The following CDK6 variants were observed in gnomAD, a reference collection of about 807,000 sequenced individuals.
CDK6 encodes cyclin-dependent kinase 6.
In CDK6, 6 loss-of-function variants were observed where a neutral mutation model predicts 37.1. The ratio of observed to expected loss-of-function variants is 0.16; its 90% CI spans 0.09 to 0.32. CDK6 has a LOEUF of 0.32. CDK6 is among the 10% of genes least tolerant of loss of function. The pLI is 1.00. For missense variants in CDK6, 224 were observed against 418.9 expected (o/e 0.53, Z 4.06); for synonymous variants, 160 against 161.3 (o/e 0.99, Z 0.06).
intron 2 of CDK6, among the ~76,000 whole-genome samples, chr7:92,827,124 CAGTG>C (rs1562977467): frequency 6.6e-6 from 1 of 152,124 alleles, no homozygotes; most frequent in Non-Finnish European, 1.5e-5. Flanking sequence ...TGTTCACTAA[CAGTG>C]AGATAATTTT....
At chr7:92,704,455 C>T (rs1797924789) in intron 4 of CDK6, among the ~76,000 whole-genome samples, 1 of 152,168 alleles carries the variant, frequency 6.6e-6, no homozygotes, top group African/African-American at 2.4e-5. Flanking sequence ...TGCTTCTTTA[C>T]TTCTCTTTAC....
intron 2 of CDK6, among the ~76,000 whole-genome samples, chr7:92,823,682 A>T (rs1369399230): frequency 6.6e-6 from 1 of 152,034 alleles, no homozygotes; most frequent in Non-Finnish European, 1.5e-5. Flanking sequence ...AATGTATACT[A>T]TATCAGCTAA....
At chr7:92,646,966 T>A (rs1022389307) in intron 5 of CDK6, among the ~76,000 whole-genome samples, 2 of 152,200 alleles carry the variant, frequency 1.3e-5, no homozygotes, top group East Asian at 1.9e-4. Flanking sequence ...TAAACTCTAC[T>A]GAAGAAAAAT....
At position 92,609,932 on chromosome 7, in the gene CDK6, A is replaced by T. The variant is rs565550853; in HGVS notation, c.*5208T>A. Reference sequence around the variant, plus strand: ...TTGTTCAGAACCTAGGTAACAAGTAAAATATTGAAGTTACAGAACATTATA... The same window carrying T: ...TTGTTCAGAACCTAGGTAACAAGTATAATATTGAAGTTACAGAACATTATA... On this transcript the variant is annotated 3_prime_UTR_variant, in exon 8 of 8. Coordinates refer to ENST00000424848, the MANE Select transcript of CDK6 (RefSeq NM_001145306.2). 8.7e-6 allele frequency: 2 copies of T among 230,404 alleles called. No individual in the cohort carries two copies. Among genetic ancestry groups the T allele is most frequent in the Non-Finnish European group, 1.7e-5 (2 of 116,432 alleles). 14.3% of individuals were successfully genotyped at this position (230,404 alleles called of 1,614,324 possible).
intron 2 of CDK6, among the ~76,000 whole-genome samples, chr7:92,800,426 T>C (rs1221188129): frequency 6.6e-6 from 1 of 152,246 alleles, no homozygotes; most frequent in Admixed American, 6.5e-5. Context: ...TTCTTGCTCC[T>C]GCAAATTAAA....
intron 3 of CDK6, among the ~76,000 whole-genome samples, chr7:92,726,935 T>C (rs553108362): frequency 4.6e-5 from 7 of 152,252 alleles, no homozygotes; most frequent in South Asian, 2.1e-4. Flanking sequence ...CTTAGCACCA[T>C]AGTTAATATT....
At chr7:92,642,173 T>C (rs562357494) in intron 5 of CDK6, among the ~76,000 whole-genome samples, 68 of 152,252 alleles carry the variant, frequency 4.5e-4, no homozygotes, top group African/African-American at 1.6e-3. Flanking sequence ...CAACTCCTCC[T>C]TGTGGAGGAG....
intron 3 of CDK6, among the ~76,000 whole-genome samples, chr7:92,762,570 C>CTTTTT (rs34827459): frequency 2.1e-5 from 3 of 141,580 alleles, no homozygotes; most frequent in Non-Finnish European, 4.7e-5. Context: ...CATAGAACAC[C>CTTTTT]TTTTTTTTTT....
intron 4 of CDK6, among the ~76,000 whole-genome samples, chr7:92,722,910 C>T (rs1298929707): frequency 6.6e-6 from 1 of 152,164 alleles, no homozygotes; most frequent in Non-Finnish European, 1.5e-5. Context: ...ATAGGCTGGG[C>T]ACAGTGGCTT....
intron 5 of CDK6, among the ~76,000 whole-genome samples, chr7:92,659,522 C>T (rs181127105): frequency 6.6e-6 from 1 of 152,090 alleles, no homozygotes; most frequent in East Asian, 1.9e-4. Flanking sequence ...TTCTCCCAGA[C>T]AGAGCTGGTT....
In CDK6 at chr7:92,672,288, C is replaced by CACAACACCCAG. The variant is rs1194371388; in HGVS notation, c.538-754_538-753insCTGGGTGTTGT. Among the ~76,000 whole-genome samples, 17 of 144,814 alleles carry CACAACACCCAG rather than the reference C, an allele frequency of 1.2e-4. No individual in the cohort carries two copies. The East Asian group carries it at 2.1e-3, about 17-fold the overall frequency. ...GGCTGCTGGATGGTGTCCCTGAAGTCTACACAACACCCAGGACATGTCAAA... is the reference window on the plus strand; with the variant it reads ...GGCTGCTGGATGGTGTCCCTGAAGTCACAACACCCAGTACACAACACCCAGGACATGTCAAA... On this transcript the variant is annotated intron_variant, in intron 4 of 7. Coordinates refer to ENST00000424848, the MANE Select transcript of CDK6 (RefSeq NM_001145306.2).
At chr7:92,672,158 T>TACACAC (rs1554401686) in intron 4 of CDK6, among the ~76,000 whole-genome samples, 2 of 102,734 alleles carry the variant, frequency 1.9e-5, no homozygotes, top group Non-Finnish European at 3.7e-5. Context: ...TATATATATA[T>TACACAC]ATACACATAC....
intron 4 of CDK6, among the ~76,000 whole-genome samples, chr7:92,705,519 A>G (rs539732471): frequency 3.9e-5 from 6 of 152,314 alleles, no homozygotes; most frequent in African/African-American, 1.4e-4. Context: ...GTAGAGAGTG[A>G]AAGGTTTCAT....
chr7:92,740,086 G>C (rs1356171428), intron 3 of CDK6, among the ~76,000 whole-genome samples: 2 of 152,118 alleles, frequency 1.3e-5, no homozygotes, highest in Admixed American at 6.5e-5. Context: ...AGGTAAATCT[G>C]AGTCATGCAG....
At chr7:92,779,449 AT>A (rs1320589682) in intron 2 of CDK6, among the ~76,000 whole-genome samples, 1 of 152,254 alleles carries the variant, frequency 6.6e-6, no homozygotes, top group Non-Finnish European at 1.5e-5. Flanking sequence ...ATACTTGCAT[AT>A]TCTTAAAAAA....
intron 3 of CDK6, among the ~76,000 whole-genome samples, chr7:92,740,863 C>T (rs964021646): frequency 2.6e-5 from 4 of 152,200 alleles, no homozygotes; most frequent in South Asian, 4.1e-4. Context: ...CTCCTCACCT[C>T]GTGCCCAGGT....
chr7:92,711,552 A>ATT (rs11285626), intron 4 of CDK6, among the ~76,000 whole-genome samples: 907 of 56,626 alleles, frequency 0.016, 61 homozygotes, highest in East Asian at 0.095. Context: ...GAATGGTCAA[A>ATT]TTTTTTTTTT....
intron 5 of CDK6, among the ~76,000 whole-genome samples, chr7:92,624,434 G>C (rs1795878269): frequency 6.6e-6 from 1 of 152,152 alleles, no homozygotes; most frequent in Admixed American, 6.6e-5. Flanking sequence ...ATAAACATGT[G>C]AGAACCATGA....
intron 5 of CDK6, among the ~76,000 whole-genome samples, chr7:92,661,754 A>AG (rs1796839526): frequency 6.6e-6 from 1 of 152,132 alleles, no homozygotes; most frequent in Admixed American, 6.5e-5. Flanking sequence ...AAAGGGAGAT[A>AG]GGAGAGTCAG....
Sources: allele counts gnomAD v4.1 joint callset (sites outside exome capture counted in the v4.1 genomes callset), GRCh38; gene constraint gnomAD v4.1.1; transcripts MANE v1.5; gene names NCBI Gene and HGNC (gene_info 2026-07-23, HGNC 2026-07-21).